Variants in SHANK1 observed in about 807,000 individuals in gnomAD.
The protein encoded by SHANK1 is SH3 and multiple ankyrin repeat domains protein 1.
Under a neutral mutation model 165.6 loss-of-function variants are expected in SHANK1, and 35 were observed. The observed-to-expected ratio is 0.21, with a 90% CI of 0.16 to 0.28. The LOEUF is 0.28. SHANK1 is among the 10% of genes least tolerant of loss of function. SHANK1 has a pLI of 1.00. For synonymous variants in SHANK1, 1,428 were observed against 1,384.8 expected, an observed-to-expected ratio of 1.03 and a Z score of -0.69; for missense variants, 2,681 against 3,036.4, an observed-to-expected ratio of 0.88 and a Z score of 2.75.
At chr19:50,676,257 C>T (rs542199180) in intron 21 of SHANK1, among the ~76,000 whole-genome samples, 37 of 152,006 alleles carry the variant, frequency 2.4e-4, no homozygotes, top group South Asian at 1.5e-3. Context: ...GAGCTATGAT[C>T]GTGCCACTGC....
Position 50,668,752 on chromosome 19 carries a change from C to G in SHANK1, c.3208G>C (p.Ala1070Pro). ...GAPSPSHHGS[A>P]GGGGGSSQGP... ...TGGGAGGAGCCGCCGCCCCCGCCCG[C>G]GCTGCCGTGGTGCGATGGGGACGGG... The change falls in exon 23 of 24, where the codon GCG becomes CCG. Residue 1070 changes from alanine (A) to proline (P), a missense_variant. Transcript: ENST00000293441. The G allele has an allele frequency of 7.8e-7, 1 of 1,275,964 alleles. No individual in the cohort carries two copies. Among genetic ancestry groups the G allele is most frequent in the Non-Finnish European group, 9.8e-7 (1 of 1,018,120 alleles). The allele number at this position is 1,275,964 out of a possible 1,614,324, so 79.0% of individuals were successfully genotyped here. A position where few individuals can be genotyped will look rare whatever the true frequency, so the allele number is the denominator to read the frequency against.
In SHANK1 at chr19:50,668,726, C is replaced by T; in HGVS notation, c.3234G>A (p.Gln1078=). ...GCTGGAAATAGCGTAGAGCCGGGCC[C>T]TGGGAGGAGCCGCCGCCCCCGCCCG... ...GSAGGGGGSS[Q]GPALRYFQLP... The change falls in exon 23 of 24, where the codon CAG becomes CAA. Residue 1078 remains glutamine, a synonymous_variant. Coordinates refer to ENST00000293441, the MANE Select transcript of SHANK1 (RefSeq NM_016148.5). The T allele has an allele frequency of 2.4e-6, 3 of 1,275,892 alleles. No homozygotes were observed. The highest frequency in any genetic ancestry group is 2.8e-5 in the South Asian group (1 of 35,234). The allele number at this position is 1,275,892 out of a possible 1,614,324, so 79.0% of individuals were successfully genotyped here.
chr19:50,712,259 T>C (rs901011554), intron 6 of SHANK1, 145 bp from the exon 7 acceptor site: 23 of 819,144 alleles, frequency 2.8e-5, no homozygotes, highest in Non-Finnish European at 3.8e-6. Context: ...GATGCCCTTG[T>C]GCAACCTTGA....
Position 50,675,741 on chromosome 19 carries a change from C to T in SHANK1, c.2578-3627G>A, listed in dbSNP as rs1156613943. ...CTGGTGCCAGGCGCGGTGGCTCACACCTTTAATCCCAACATTTTGGGAGTT... is the reference window on the plus strand; with the variant it reads ...CTGGTGCCAGGCGCGGTGGCTCACATCTTTAATCCCAACATTTTGGGAGTT... On this transcript the variant is annotated intron_variant, in intron 21 of 23. Coordinates refer to ENST00000293441, the MANE Select transcript of SHANK1 (RefSeq NM_016148.5). 3.9e-5 allele frequency among the ~76,000 whole-genome samples: 6 copies of T among 152,210 alleles called. No homozygotes were observed. In the East Asian group the frequency reaches 9.6e-4, roughly 24 times the overall value.
intron 21 of SHANK1, among the ~76,000 whole-genome samples, chr19:50,683,251 G>C (rs936089710): frequency 6.6e-6 from 1 of 152,180 alleles, no homozygotes; most frequent in African/African-American, 2.4e-5. Flanking sequence ...GAGGCCAGGG[G>C]TGCTGCTGAA....
chr19:50,667,466 G>A lies in SHANK1; in HGVS notation c.4494C>T (p.Cys1498=). 2.0e-6 allele frequency: 3 copies of A among 1,530,822 alleles called. No homozygotes were observed. The highest frequency in any genetic ancestry group is 2.6e-6 in the Non-Finnish European group (3 of 1,148,272). The allele number at this position is 1,530,822 out of a possible 1,614,324, so 94.8% of individuals were successfully genotyped here. ...LPLHVRFLEN[C]QPRAPVTSGR... is the part of the protein sequence containing the mutation. ...CGCTCGTCACAGGGGCCCGGGGCTG[G>A]CAGTTTTCAAGGAACCGCACGTGCA... The change falls in exon 23 of 24, where the codon TGC becomes TGT. Residue 1498 remains cysteine, a synonymous_variant. Coordinates refer to ENST00000293441, the MANE Select transcript of SHANK1 (RefSeq NM_016148.5). The surrounding 1 kb of genome is among the most constrained non-coding windows in gnomAD (Gnocchi z 5.7).
rs779642061 is a variant in SHANK1, at chr19:50,666,222, G to A, written c.5738C>T (p.Pro1913Leu). 12 of 1,606,246 alleles carry A rather than the reference G, an allele frequency of 7.5e-6. No individual in the cohort carries two copies. In the Admixed American group the frequency reaches 1.2e-4, roughly 16 times the overall value. ...DSHHGGASYV[P>L]ERTSSLQRQR... is the part of the protein sequence containing the mutation. ...CCGCTGCAGGGAGGAGGTCCTCTCGGGGACATAGCTGGCTCCCCCGTGGTG... is the reference window on the plus strand; with the variant it reads ...CCGCTGCAGGGAGGAGGTCCTCTCGAGGACATAGCTGGCTCCCCCGTGGTG... The change falls in exon 23 of 24, where the codon CCC becomes CTC. Residue 1913 changes from proline (P) to leucine (L), a missense_variant. This residue lies in a region of SHANK1 where 1,713 missense variants were observed against 1,630.2 expected (regional missense o/e 1.05). Coordinates refer to ENST00000293441, the MANE Select transcript of SHANK1 (RefSeq NM_016148.5).
chr19:50,714,025 A>C lies in SHANK1; in HGVS notation c.641-76T>G, dbSNP rs1201208522. The C allele has an allele frequency of 1.9e-6, 3 of 1,579,586 alleles. No individual in the cohort carries two copies. In the African/African-American group the frequency reaches 4.1e-5, roughly 21 times the overall value. On this transcript the variant is annotated intron_variant, in intron 5 of 23. Transcript: ENST00000293441. Reference sequence around the variant, plus strand: ...TCCCTTCCCATTTTCCAGGCTCTGCAGCTCTCCACCCCACAGCCTCTGGCC... The same window carrying C: ...TCCCTTCCCATTTTCCAGGCTCTGCCGCTCTCCACCCCACAGCCTCTGGCC...
In SHANK1 at chr19:50,660,092, G is replaced by A. The variant is rs963918961; in HGVS notation, c.*1873C>T. On this transcript the variant is annotated 3_prime_UTR_variant, in exon 24 of 24. Coordinates refer to ENST00000293441, the MANE Select transcript of SHANK1 (RefSeq NM_016148.5). ...GGGAATGGGCTTGGGGAAGGAGGGG[G>A]AGCTCCCTTCTTTGGCAGCTGAACA... Among the ~76,000 whole-genome samples, 13 of 147,682 alleles carry A rather than the reference G, an allele frequency of 8.8e-5. No individual in the cohort carries two copies. The highest frequency in any genetic ancestry group is 1.6e-4 in the Non-Finnish European group (11 of 67,172).
intron 4 of SHANK1, 144 bp downstream of exon 4, chr19:50,715,515 G>C: frequency 1.4e-6 from 1 of 729,172 alleles, no homozygotes; most frequent in Non-Finnish European, 2.5e-6. Context: ...AGCATCCCAA[G>C]TTAAGCGGGG....
intron 4 of SHANK1, 108 bp downstream of exon 4, chr19:50,715,551 T>G: frequency 1.0e-6 from 1 of 965,440 alleles, no homozygotes; most frequent in Non-Finnish European, 1.6e-6. Flanking sequence ...ATCGCTGGCT[T>G]GGGGAATGTG....
intron 8 of SHANK1, 89 bp from the exon 9 acceptor site, chr19:50,704,603 T>TG: frequency 8.3e-7 from 1 of 1,198,708 alleles, no homozygotes; most frequent in Non-Finnish European, 1.2e-6. Context: ...GCTAAGAGCC[T>TG]CAGGAATAAA....
In SHANK1 at chr19:50,670,275, C is replaced by T. The variant is rs185596422; in HGVS notation, c.2675-990G>A. Among the ~76,000 whole-genome samples, 22 of 152,286 alleles carry T rather than the reference C, an allele frequency of 1.4e-4. No individual in the cohort carries two copies. The East Asian group carries it at 4.0e-3, about 28-fold the overall frequency. On this transcript the variant is annotated intron_variant, in intron 22 of 23. Transcript: ENST00000293441. This position sits in a 1 kb window ranked among gnomAD's most constrained non-coding sequence, Gnocchi z 4.1. ...CCTTGCAGCCACTCTTAGCTTTCTT[C>T]CTCAAGTCACCCACATCCAATCCAC... is the stretch of plus-strand genomic sequence containing the variant.
Position 50,666,797 on chromosome 19 carries a change from C to A in SHANK1, c.5163G>T (p.Gly1721=). The A allele has an allele frequency of 6.5e-7, 1 of 1,550,380 alleles. No homozygotes were observed. Among genetic ancestry groups the A allele is most frequent in the Non-Finnish European group, 8.7e-7 (1 of 1,147,972 alleles). ...CCACATAGGTGTCCAGAAGCTCCGG[C>A]CCACTGGCCACACCGGCCCCAGCCC... is the stretch of plus-strand genomic sequence containing the variant. The part of the protein sequence containing the change: ...GGGAGAGVAS[G]PELLDTYVAY... Residue 1721 remains glycine, a synonymous_variant, in exon 23 of 24, where the codon GGG becomes GGT. Coordinates refer to ENST00000293441, the MANE Select transcript of SHANK1 (RefSeq NM_016148.5).
In SHANK1 at chr19:50,692,090, C is replaced by T. The variant is rs142603337; in HGVS notation, c.1965-2811G>A. Among the ~76,000 whole-genome samples the T allele has an allele frequency of 2.7e-3, 405 of 152,150 alleles. 1 individual carries two copies. Among genetic ancestry groups the T allele is most frequent in the African/African-American group, 8.2e-3 (341 of 41,468 alleles). The stretch of plus-strand genomic sequence containing the variant: ...CTTCAACAATACCCAAGAGAATACT[C>T]GGGTAACTGCAGTGGTAATACCCTC... On this transcript the variant is annotated intron_variant, in intron 15 of 23. Coordinates refer to ENST00000293441, the MANE Select transcript of SHANK1 (RefSeq NM_016148.5).
At position 50,668,115 on chromosome 19, in the gene SHANK1, A is replaced by G; in HGVS notation, c.3845T>C (p.Leu1282Pro). The G allele has an allele frequency of 6.8e-7, 1 of 1,475,616 alleles. No homozygotes were observed. Among genetic ancestry groups the G allele is most frequent in the Non-Finnish European group, 8.9e-7 (1 of 1,119,118 alleles). 91.4% of individuals were successfully genotyped at this position (1,475,616 alleles called of 1,614,324 possible). ...LGTGAAPGPR[L>P]RHSKSIDEGM... Reference sequence around the variant, plus strand: ...CTCGTCGATGGATTTGGAGTGGCGCAGCCGCGGGCCCGGGGCCGCCCCTGT... The same window carrying G: ...CTCGTCGATGGATTTGGAGTGGCGCGGCCGCGGGCCCGGGGCCGCCCCTGT... Residue 1282 changes from leucine (L) to proline (P), a missense_variant, in exon 23 of 24, where the codon CTG (leucine) becomes CCG (proline). Leu to Pro is a moderately conservative substitution (Grantham distance 98, BLOSUM62 -3). Coordinates refer to ENST00000293441, the MANE Select transcript of SHANK1 (RefSeq NM_016148.5).
rs938996043 is a variant in SHANK1 at position 50,719,696 on chromosome 19, C to T, written c.-334G>A. Among the ~76,000 whole-genome samples the T allele has an allele frequency of 8.1e-4, 122 of 149,820 alleles. 1 individual carries two copies. Among genetic ancestry groups the T allele is most frequent in the African/African-American group, 2.3e-3 (96 of 41,074 alleles). Reference sequence around the variant, plus strand: ...GCTCGGTCCGGCCGGCTCCGGGCGCCGCGTCTCCGCCTGCTCTTCCTCCTC... The same window carrying T: ...GCTCGGTCCGGCCGGCTCCGGGCGCTGCGTCTCCGCCTGCTCTTCCTCCTC... On this transcript the variant is annotated 5_prime_UTR_variant, in exon 1 of 24. Coordinates refer to ENST00000293441, the MANE Select transcript of SHANK1 (RefSeq NM_016148.5).
rs1222161054 is a variant in SHANK1, at chr19:50,661,599, G to A, written c.*366C>T. Among the ~76,000 whole-genome samples, 2 of 152,020 alleles carry A rather than the reference G, an allele frequency of 1.3e-5. No individual in the cohort carries two copies. The highest frequency in any genetic ancestry group is 2.4e-5 in the African/African-American group (1 of 41,384). On this transcript the variant is annotated 3_prime_UTR_variant, in exon 24 of 24. Transcript: ENST00000293441. ...ATCCGAGGGCACCCCCTTCCCCTGC[G>A]GCCTGGGGGACAGTCCCCATCCAAT...
intron 6 of SHANK1, among the ~76,000 whole-genome samples, chr19:50,712,930 C>T (rs145749913): frequency 1.9e-3 from 290 of 152,142 alleles, no homozygotes; most frequent in African/African-American, 6.6e-3. Context: ...GCTTGGATAG[C>T]GCAGGTCTGG....
Sources: allele counts gnomAD v4.1 joint callset (sites outside exome capture counted in the v4.1 genomes callset), GRCh38; gene constraint gnomAD v4.1.1; regional missense constraint gnomAD v4.1.1; non-coding constraint Gnocchi (gnomAD v3.1); transcripts MANE v1.5; gene names NCBI Gene and HGNC (gene_info 2026-07-23, HGNC 2026-07-21).